The following TCF12 variants were observed in gnomAD, a reference collection of about 807,000 sequenced individuals.
The protein encoded by TCF12 is DNA-binding protein HTF4.
In TCF12, 45 loss-of-function variants were observed where a neutral mutation model predicts 86.0. The observed-to-expected ratio is 0.52, with a 90% CI of 0.41 to 0.67. The LOEUF (loss-of-function observed/expected upper bound fraction) is 0.67, where lower values mean the gene tolerates loss of function less well. Ranked by LOEUF, TCF12 falls within the 30% of genes least tolerant of loss-of-function variation. TCF12 has a pLI of 0.00. For missense variants in TCF12, 881 were observed against 859.9 expected, an observed-to-expected ratio of 1.02 and a Z score of -0.31; for synonymous variants, 330 against 299.6, an observed-to-expected ratio of 1.10 and a Z score of -1.05.
chr15:57,077,585 C>T (rs1467674369), intron 4 of TCF12, among the ~76,000 whole-genome samples: 2 of 151,460 alleles, frequency 1.3e-5, no homozygotes, highest in Non-Finnish European at 1.5e-5. Context: ...CGCCACTGCA[C>T]CTGCCTAATT....
At chr15:57,184,144 CAA>C (rs567127840) in intron 6 of TCF12, among the ~76,000 whole-genome samples, 1 of 139,444 alleles carries the variant, frequency 7.2e-6, no homozygotes, top group Non-Finnish European at 1.6e-5. Context: ...GATTAGCAGC[CAA>C]AAAAAAAAAA....
intron 5 of TCF12, among the ~76,000 whole-genome samples, chr15:57,149,471 G>A (rs565201881): frequency 6.6e-6 from 1 of 152,316 alleles, no homozygotes; most frequent in East Asian, 1.9e-4. Flanking sequence ...GTTAGTACAG[G>A]AGATCATTTT....
At chr15:56,953,691 T>A (rs2061377752) in intron 3 of TCF12, among the ~76,000 whole-genome samples, 1 of 152,060 alleles carries the variant, frequency 6.6e-6, no homozygotes, top group Admixed American at 6.5e-5. Flanking sequence ...ATCATATAAG[T>A]TGTCGAATAT....
At chr15:56,931,594 T>G (rs915378344) in intron 3 of TCF12, among the ~76,000 whole-genome samples, 1 of 152,200 alleles carries the variant, frequency 6.6e-6, no homozygotes, top group Non-Finnish European at 1.5e-5. Context: ...AATCAGTCTT[T>G]GGTAAACTTT....
intron 3 of TCF12, among the ~76,000 whole-genome samples, chr15:57,055,044 G>A (rs1403159117): frequency 6.6e-6 from 1 of 151,854 alleles, no homozygotes; most frequent in African/African-American, 2.4e-5. Context: ...GGAAAAATTA[G>A]TCTTTTTATT....
intron 3 of TCF12, among the ~76,000 whole-genome samples, chr15:56,938,174 T>TC (rs2060567340): frequency 1.3e-5 from 2 of 150,132 alleles, no homozygotes; most frequent in African/African-American, 4.9e-5. Context: ...CTTTTTCTTC[T>TC]CTTTTTTTCT....
rs11302198 is a variant in TCF12, at chr15:57,225,857, A to AT, written c.580-5285dup. Among the ~76,000 whole-genome samples the AT allele has an allele frequency of 2.5e-4, 38 of 149,662 alleles. 1 individual carries two copies. Among genetic ancestry groups the AT allele is most frequent in the Middle Eastern group, 6.8e-3 (2 of 294 alleles). ...GATTAATCAATTTATTTATTTATTC[A>AT]TTTTTTTTTTCTTTTATTATACTTT... is the stretch of plus-strand genomic sequence containing the variant. On this transcript the variant is annotated intron_variant, in intron 8 of 20. Transcript: ENST00000333725.
At chr15:57,221,178 T>G (rs1372537870) in intron 8 of TCF12, among the ~76,000 whole-genome samples, 3 of 152,180 alleles carry the variant, frequency 2.0e-5, no homozygotes, top group Non-Finnish European at 2.9e-5. Flanking sequence ...CAAAATATCT[T>G]TAAACTCATT....
At chr15:57,254,747 A>G (rs764407937) in intron 16 of TCF12, among the ~76,000 whole-genome samples, 12 of 151,562 alleles carry the variant, frequency 7.9e-5, no homozygotes, top group Non-Finnish European at 1.5e-4. Context: ...GGTCCCAGCT[A>G]CATGGAAGGT....
chr15:57,235,421 A>AATT (rs759809539), intron 12 of TCF12, among the ~76,000 whole-genome samples: 3 of 152,288 alleles, frequency 2.0e-5, no homozygotes. Flanking sequence ...AGCATGGATA[A>AATT]AGCCCATATA....
intron 3 of TCF12, among the ~76,000 whole-genome samples, chr15:57,051,301 G>A (rs2067595592): frequency 6.6e-6 from 1 of 152,106 alleles, no homozygotes; most frequent in Admixed American, 6.5e-5. Flanking sequence ...GCTTTTAGTT[G>A]GGATTCTTGT....
At chr15:56,987,896 C>A (rs1264272997) in intron 3 of TCF12, among the ~76,000 whole-genome samples, 1 of 152,088 alleles carries the variant, frequency 6.6e-6, no homozygotes, top group Non-Finnish European at 1.5e-5. Flanking sequence ...CTCATTTTTG[C>A]TTCAGAACAC....
intron 5 of TCF12, among the ~76,000 whole-genome samples, chr15:57,151,863 G>A (rs1460919939): frequency 6.6e-6 from 1 of 152,088 alleles, no homozygotes; most frequent in African/African-American, 2.4e-5. Context: ...TACTGAGGCT[G>A]AACTAAAACA....
intron 3 of TCF12, among the ~76,000 whole-genome samples, chr15:56,977,561 GTGTA>G (rs1217066384): frequency 1.4e-4 from 21 of 149,804 alleles, no homozygotes; most frequent in South Asian, 2.1e-4. Context: ...GTGTGTGTGT[GTGTA>G]TGTATGTGTG....
intron 6 of TCF12, among the ~76,000 whole-genome samples, chr15:57,175,425 A>G (rs1277348630): frequency 1.3e-5 from 2 of 152,188 alleles, no homozygotes; most frequent in Non-Finnish European, 2.9e-5. Context: ...TCTTTGTAAC[A>G]GGAGGTTTAA....
At chr15:57,172,243 A>G (rs1345455227) in intron 6 of TCF12, among the ~76,000 whole-genome samples, 2 of 152,208 alleles carry the variant, frequency 1.3e-5, no homozygotes, top group African/African-American at 2.4e-5. Context: ...ACGAAGCAAA[A>G]CAAAAATTGA....
At chr15:57,067,085 A>G (rs1567352287) in intron 4 of TCF12, among the ~76,000 whole-genome samples, 1 of 152,190 alleles carries the variant, frequency 6.6e-6, no homozygotes, top group African/African-American at 2.4e-5. Flanking sequence ...TCACTCTAGC[A>G]TGGTTCCAGT....
At chr15:57,143,381 C>T (rs576626953) in intron 5 of TCF12, among the ~76,000 whole-genome samples, 13 of 152,108 alleles carry the variant, frequency 8.5e-5, no homozygotes, top group African/African-American at 2.9e-4. Context: ...AGCATCGTGT[C>T]TGCTGCTTAT....
In TCF12 at chr15:57,009,581, ATTC is replaced by A. The variant is rs561156578; in HGVS notation, c.149-54163_149-54161del. On this transcript the variant is annotated intron_variant, in intron 3 of 20. Coordinates refer to ENST00000333725, the MANE Select transcript of TCF12 (RefSeq NM_207037.2). Reference sequence around the variant, plus strand: ...CACCATTAGAAAGCATTTATTGAATATTCTTCTTTACTGTTTGTATGTGGTGTG... The same window carrying A: ...CACCATTAGAAAGCATTTATTGAATATTCTTTACTGTTTGTATGTGGTGTG... Among the ~76,000 whole-genome samples, 963 of 152,330 alleles carry A rather than the reference ATTC, an allele frequency of 6.3e-3. 11 individuals are homozygous for A. The highest frequency in any genetic ancestry group is 0.01 in the Non-Finnish European group (698 of 68,016).
Sources: gnomAD v4.1 joint callset for allele counts (sites outside exome capture counted in the v4.1 genomes callset) on GRCh38, gnomAD v4.1.1 for gene constraint, MANE v1.5 for transcripts, NCBI Gene and HGNC (gene_info 2026-07-23, HGNC 2026-07-21) for gene names.